The following PPARGC1A variants were observed in gnomAD, a reference collection of about 807,000 sequenced individuals.
The protein encoded by PPARGC1A is PPARG coactivator 1 alpha, also known as peroxisome proliferator-activated receptor gamma coactivator 1-alpha.
In PPARGC1A, 25 loss-of-function variants were observed where a neutral mutation model predicts 88.7. The ratio of observed to expected loss-of-function variants is 0.28; its 90% CI spans 0.21 to 0.39. PPARGC1A has a LOEUF of 0.39. PPARGC1A is among the 10% of genes least tolerant of loss of function. PPARGC1A has a pLI of 1.00. For synonymous variants in PPARGC1A, 363 were observed against 355.6 expected (o/e 1.02, Z -0.24); for missense variants, 880 against 968.7 (o/e 0.91, Z 1.22).
chr4:24,076,987 A>T, the PPARGC1A span, among the ~76,000 whole-genome samples: 8 of 151,596 alleles, frequency 5.3e-5, no homozygotes, highest in South Asian at 4.2e-4. Context: ...TAATTGTCTT[A>T]TTTCTTATTT....
chr4:23,885,345 T>A (rs766096827), intron 1 of PPARGC1A, among the ~76,000 whole-genome samples: 7 of 152,196 alleles, frequency 4.6e-5, no homozygotes, highest in Non-Finnish European at 7.3e-5. Flanking sequence ...TTATCACACA[T>A]AATAGACACT....
At chr4:24,170,213 T>A in the PPARGC1A span, among the ~76,000 whole-genome samples, 2 of 152,142 alleles carry the variant, frequency 1.3e-5, no homozygotes, top group African/African-American at 4.8e-5. Flanking sequence ...GGGTAAAAAA[T>A]CAGTTAGTCC....
chr4:24,111,204 T>A, the PPARGC1A span, among the ~76,000 whole-genome samples: 1 of 152,200 alleles, frequency 6.6e-6, no homozygotes, highest in African/African-American at 2.4e-5. Context: ...TCCTAGTTGA[T>A]GAAATGAGTG....
intron 2 of PPARGC1A, among the ~76,000 whole-genome samples, chr4:23,864,588 C>CA (rs1203402068): frequency 3.3e-5 from 5 of 152,240 alleles, no homozygotes; most frequent in African/African-American, 1.2e-4. Flanking sequence ...AACATGCACT[C>CA]AAGAACAAGA....
the PPARGC1A span, among the ~76,000 whole-genome samples, chr4:24,296,890 A>C: frequency 6.6e-6 from 1 of 152,154 alleles, no homozygotes; most frequent in African/African-American, 2.4e-5. Context: ...ACTGCCAAGT[A>C]TATCTCCTCC....
At chr4:23,973,672 C>T in the PPARGC1A span, among the ~76,000 whole-genome samples, 1 of 152,204 alleles carries the variant, frequency 6.6e-6, no homozygotes, top group East Asian at 1.9e-4. Context: ...GAGTAACTCC[C>T]TCCCTCCAGA....
the PPARGC1A span, among the ~76,000 whole-genome samples, chr4:23,930,401 C>CT: frequency 1.3e-5 from 2 of 152,310 alleles, no homozygotes; most frequent in East Asian, 3.9e-4. Flanking sequence ...CTTCTGACCA[C>CT]TGACATTTAG....
the PPARGC1A span, among the ~76,000 whole-genome samples, chr4:23,956,221 C>A: frequency 6.6e-6 from 1 of 152,032 alleles, no homozygotes; most frequent in Admixed American, 6.6e-5. Context: ...GCTCCAGACT[C>A]CTGCTCCTCT....
the PPARGC1A span, among the ~76,000 whole-genome samples, chr4:23,947,286 A>T: frequency 2.0e-5 from 3 of 149,566 alleles, 1 homozygote; most frequent in South Asian, 4.2e-4. Context: ...CTTTACATAG[A>T]TTAGCTCATT....
At chr4:24,201,013 T>C in the PPARGC1A span, among the ~76,000 whole-genome samples, 2,562 of 152,318 alleles carry the variant, frequency 0.017, 89 homozygotes, top group African/African-American at 0.058. Context: ...CCATTCTACA[T>C]GATAGGGGAT....
At chr4:24,157,163 T>C in the PPARGC1A span, among the ~76,000 whole-genome samples, 1 of 152,202 alleles carries the variant, frequency 6.6e-6, no homozygotes, top group Non-Finnish European at 1.5e-5. Flanking sequence ...TTTCTGTTTC[T>C]GAAAAATAAA....
the PPARGC1A span, among the ~76,000 whole-genome samples, chr4:24,271,551 G>C: frequency 1.3e-5 from 2 of 152,026 alleles, no homozygotes; most frequent in Admixed American, 6.6e-5. Flanking sequence ...TAATTTTGTT[G>C]TATTTTTAGT....
chr4:24,226,762 G>C, the PPARGC1A span, among the ~76,000 whole-genome samples: 2 of 152,128 alleles, frequency 1.3e-5, no homozygotes, highest in East Asian at 3.9e-4. Flanking sequence ...ATAATTAGTC[G>C]TTGCCTTCCA....
chr4:24,469,222 C>T, the PPARGC1A span, among the ~76,000 whole-genome samples: 3 of 152,198 alleles, frequency 2.0e-5, no homozygotes, highest in Admixed American at 6.5e-5. Context: ...TTTAAAGTAT[C>T]GCCTTTGTTG....
chr4:23,877,018 C>CA (rs1267680765), intron 2 of PPARGC1A, among the ~76,000 whole-genome samples: 11 of 152,036 alleles, frequency 7.2e-5, no homozygotes, highest in Admixed American at 5.2e-4. Flanking sequence ...AGAAAAGGCA[C>CA]AAAAGTATCT....
chr4:24,440,726 G>A, the PPARGC1A span, among the ~76,000 whole-genome samples: 1 of 152,062 alleles, frequency 6.6e-6, no homozygotes, highest in Admixed American at 6.5e-5. Flanking sequence ...AGTTTGAGCT[G>A]AGGAGGTCAA....
intron 12 of PPARGC1A, among the ~76,000 whole-genome samples, chr4:23,796,407 T>C (rs900501812): frequency 2.6e-5 from 4 of 152,148 alleles, no homozygotes; most frequent in East Asian, 1.9e-4. Flanking sequence ...AGGGGACATA[T>C]GATGTGGTCC....
chr4:24,266,475 C>G, the PPARGC1A span, among the ~76,000 whole-genome samples: 1 of 152,046 alleles, frequency 6.6e-6, no homozygotes, highest in Non-Finnish European at 1.5e-5. Context: ...CTCCAAGGTG[C>G]CTGGAATTGT....
chr4:24,447,768 G>A, the PPARGC1A span, among the ~76,000 whole-genome samples: 1 of 152,090 alleles, frequency 6.6e-6, no homozygotes, highest in Non-Finnish European at 1.5e-5. Context: ...GCCCCATTTA[G>A]GTCCTAAACG....
Sources: allele counts gnomAD v4.1 joint callset (sites outside exome capture counted in the v4.1 genomes callset), GRCh38; gene constraint gnomAD v4.1.1; transcripts MANE v1.5; gene names NCBI Gene and HGNC (gene_info 2026-07-23, HGNC 2026-07-21).